Variants in MXRA8 observed in about 807,000 individuals in gnomAD.
MXRA8 encodes the protein matrix remodeling-associated protein 8.
A neutral mutation model predicts 51.4 loss-of-function variants in MXRA8; 44 were observed. That is an observed-to-expected ratio of 0.86 (90% CI 0.67 to 1.10). The LOEUF (loss-of-function observed/expected upper bound fraction) is 1.10, where lower values mean the gene tolerates loss of function less well. Ranked by LOEUF, MXRA8 falls within the 50% of genes least tolerant of loss-of-function variation. The pLI is 0.00. For synonymous variants in MXRA8, 369 were observed against 293.5 expected, an observed-to-expected ratio of 1.26 and a Z score of -2.63; for missense variants, 765 against 638.9, an observed-to-expected ratio of 1.20 and a Z score of -2.13.
At chr1:1,354,637 G>T (rs1422253937) in intron 5 of MXRA8, 45 bp downstream of exon 5, 13 of 1,539,236 alleles carry the variant, frequency 8.4e-6, no homozygotes, top group Non-Finnish European at 1.1e-5. Context: ...AACCCCCGGT[G>T]GGGTGGGCTC....
At chr1:1,358,702 G>T, upstream of MXRA8, 2 of 1,390,852 alleles carry the variant, frequency 1.4e-6, no homozygotes, top group Non-Finnish European at 1.9e-6. Context: ...CTGGGGAGGG[G>T]CAGTGTGGGA....
In MXRA8 at chr1:1,353,044, C is replaced by T. The variant is rs112179552; in HGVS notation, c.*560G>A. On this transcript the variant is annotated 3_prime_UTR_variant, in exon 10 of 10. Transcript: ENST00000309212. ...CAAGTCAGCAGGTCCCTGGGGAGAA[C>T]AGATGGTGCCTGGAGTCCCACATGG... is the stretch of plus-strand genomic sequence containing the variant. 11,941 of 587,522 alleles carry T rather than the reference C, an allele frequency of 0.02. 1,138 individuals are homozygous for T. The highest frequency in any genetic ancestry group is 0.2 in the African/African-American group (10,772 of 53,038). The allele number at this position is 587,522 out of a possible 1,614,324, so 36.4% of individuals were successfully genotyped here.
upstream of MXRA8, among the ~76,000 whole-genome samples, chr1:1,359,865 GGCTGGCCTCGAGGCCTCT>G (rs1400564866): frequency 6.6e-6 from 1 of 152,112 alleles, no homozygotes; most frequent in Non-Finnish European, 1.5e-5. Flanking sequence ...AGCCCCACCT[GGCTGGCCTCGAGGCCTCT>G]GCTGGCCTCT....
At chr1:1,358,909 C>T (rs1382051712), upstream of MXRA8, 9 of 1,003,462 alleles carry the variant, frequency 9.0e-6, no homozygotes, top group East Asian at 6.1e-4. Context: ...CCTCCCCCCA[C>T]GTGAGCCACC....
At chr1:1,355,195 G>T in intron 4 of MXRA8, 43 bp from the exon 5 acceptor site, 1 of 1,423,924 alleles carries the variant, frequency 7.0e-7, no homozygotes, top group East Asian at 3.0e-5. Flanking sequence ...CCGGGGCGGC[G>T]GTCGAGGGTC....
At chr1:1,357,594 G>A (rs944433093) in intron 1 of MXRA8, among the ~76,000 whole-genome samples, 1 of 152,198 alleles carries the variant, frequency 6.6e-6, no homozygotes, top group Non-Finnish European at 1.5e-5. Flanking sequence ...ATCACCTGAG[G>A]TCAGGAATTC....
upstream of MXRA8, among the ~76,000 whole-genome samples, chr1:1,363,317 C>T (rs1478149199): frequency 6.6e-6 from 1 of 152,172 alleles, no homozygotes; most frequent in Non-Finnish European, 1.5e-5. Context: ...CTCACTGTGT[C>T]ACCCAGGCTG....
intron 1 of MXRA8, among the ~76,000 whole-genome samples, chr1:1,357,762 A>T (rs1644160918): frequency 6.6e-6 from 1 of 152,164 alleles, no homozygotes; most frequent in Non-Finnish European, 1.5e-5. Context: ...GTGAGCCGAG[A>T]TCACGCCACT....
rs572913095 is a variant in MXRA8 at position 1,353,542 on chromosome 1, G to T, written c.*62C>A. 2 of 1,539,248 alleles carry T rather than the reference G, an allele frequency of 1.3e-6. No individual in the cohort carries two copies. The highest frequency in any genetic ancestry group is 2.4e-5 in the East Asian group (1 of 41,358). ...GGTGAGCCCCGGAGCATCAGGAGAT[G>T]CCCCGAGGAGCACAGACAGGAGAGG... On this transcript the variant is annotated 3_prime_UTR_variant, in exon 10 of 10. Coordinates refer to ENST00000309212, the MANE Select transcript of MXRA8 (RefSeq NM_032348.4).
At position 1,353,118 on chromosome 1, in the gene MXRA8, T is replaced by A; in HGVS notation, c.*486A>T. 1 of 704,240 alleles carries A rather than the reference T, an allele frequency of 1.4e-6. No homozygotes were observed. The allele number at this position is 704,240 out of a possible 1,614,324, so 43.6% of individuals were successfully genotyped here. On this transcript the variant is annotated 3_prime_UTR_variant, in exon 10 of 10. Transcript: ENST00000309212. ...GTGGCAGGCAGCACCCCAGGAGGAG[T>A]GGGACTCCTGCCGAGGCTGACCCCA...
upstream of MXRA8, among the ~76,000 whole-genome samples, chr1:1,363,060 T>G (rs1644237832): frequency 6.8e-6 from 1 of 146,356 alleles, no homozygotes. Context: ...TCCAGCCTGG[T>G]GATAGGGCGA....
At position 1,353,011 on chromosome 1, in the gene MXRA8, C is replaced by A. The variant is rs139104589; in HGVS notation, c.*593G>T. ...CCAAAGCAACACAGAGGAGCAAGGG[C>A]TGGCATTCAAGTCAGCAGGTCCCTG... On this transcript the variant is annotated 3_prime_UTR_variant, in exon 10 of 10. Coordinates refer to ENST00000309212, the MANE Select transcript of MXRA8 (RefSeq NM_032348.4). 427 of 544,784 alleles carry A rather than the reference C, an allele frequency of 7.8e-4. No homozygotes were observed. The highest frequency in any genetic ancestry group is 7.3e-3 in the African/African-American group (378 of 51,814). 33.7% of individuals were successfully genotyped at this position (544,784 alleles called of 1,614,324 possible).
Position 1,354,445 on chromosome 1 carries a change from G to T in MXRA8, c.1014C>A (p.Phe338Leu). ...NVIVPESRAH[F>L]FQQLGYVLAT... ...CCAGCACGTAGCCCAGCTGCTGGAA[G>T]AAGTGGGCTCGGCTCTCGGGGACGA... is the stretch of plus-strand genomic sequence containing the variant. The change falls in exon 6 of 10, where the codon TTC (phenylalanine) becomes TTA (leucine). Residue 338 changes from phenylalanine (F) to leucine (L), a missense_variant. By Grantham distance (22) the Phe-to-Leu change is conservative (BLOSUM62 0). Transcript: ENST00000309212. The T allele has an allele frequency of 2.5e-6, 4 of 1,612,492 alleles. No individual in the cohort carries two copies. Among genetic ancestry groups the T allele is most frequent in the Non-Finnish European group, 2.5e-6 (3 of 1,179,864 alleles).
At chr1:1,355,920 C>T (rs1644119106) in intron 2 of MXRA8, among the ~76,000 whole-genome samples, 168 bp from the exon 3 acceptor site, 1 of 120,582 alleles carries the variant, frequency 8.3e-6, no homozygotes, top group African/African-American at 3.3e-5. Context: ...GTGGGGCAGA[C>T]CCCCGAGGGC....
intron 1 of MXRA8, 144 bp downstream of exon 1, chr1:1,358,312 C>T (rs1644173110): frequency 2.3e-6 from 2 of 881,650 alleles, no homozygotes; most frequent in South Asian, 4.2e-5. Context: ...AGCGGCTCTC[C>T]CGAGCGCCCC....
chr1:1,363,419 C>T (rs1288881980), upstream of MXRA8, among the ~76,000 whole-genome samples: 3 of 151,046 alleles, frequency 2.0e-5, no homozygotes, highest in Non-Finnish European at 4.4e-5. Flanking sequence ...GGATTACAGG[C>T]GAGATCCATC....
upstream of MXRA8, chr1:1,358,754 G>A: frequency 7.6e-7 from 1 of 1,323,732 alleles, no homozygotes; most frequent in African/African-American, 1.5e-5. Context: ...GGGGAGGGGT[G>A]GTGACCGCAC....
intron 9 of MXRA8, 66 bp downstream of exon 9, chr1:1,353,782 C>G (rs1489122320): frequency 6.7e-7 from 1 of 1,502,288 alleles, no homozygotes; most frequent in African/African-American, 1.4e-5. Context: ...CATCGTTGGT[C>G]CCAGGTGAGG....
chr1:1,358,717 A>G, upstream of MXRA8: 11 of 1,378,914 alleles, frequency 8.0e-6, no homozygotes, highest in Non-Finnish European at 1.0e-5. Context: ...GTGGGAGCAG[A>G]GGCCCAGCCC....
Sources: gnomAD v4.1 joint callset for allele counts (sites outside exome capture counted in the v4.1 genomes callset) on GRCh38, gnomAD v4.1.1 for gene constraint, MANE v1.5 for transcripts, NCBI Gene and HGNC (gene_info 2026-07-23, HGNC 2026-07-21) for gene names.